Variants in PRKG1 observed in about 807,000 individuals in gnomAD.
PRKG1 encodes the protein cGMP-dependent protein kinase 1.
In PRKG1, 35 loss-of-function variants were observed where a neutral mutation model predicts 88.1. That is an observed-to-expected ratio of 0.40 (90% CI 0.30 to 0.53). PRKG1 has a LOEUF of 0.53. Ranked by LOEUF, PRKG1 falls within the 20% of genes least tolerant of loss-of-function variation. PRKG1 has a pLI of 0.59. For synonymous variants in PRKG1, 303 were observed against 292.5 expected, an observed-to-expected ratio of 1.04 and a Z score of -0.37; for missense variants, 540 against 839.8, an observed-to-expected ratio of 0.64 and a Z score of 4.41.
intron 12 of PRKG1, 126 bp from the exon 13 acceptor site, chr10:52,280,663 C>T: frequency 1.0e-6 from 1 of 977,028 alleles, no homozygotes; most frequent in South Asian, 1.5e-5. Context: ...TAACATTTAG[C>T]TAGCAGGACA....
intron 4 of PRKG1, among the ~76,000 whole-genome samples, chr10:51,825,997 T>C (rs1272065094): frequency 6.6e-6 from 1 of 152,190 alleles, no homozygotes; most frequent in Non-Finnish European, 1.5e-5. Context: ...GTGAACTTGA[T>C]GCCCATTCAT....
At chr10:51,177,925 A>G (rs1837240346) in intron 2 of PRKG1, among the ~76,000 whole-genome samples, 3 of 150,034 alleles carry the variant, frequency 2.0e-5, no homozygotes. Flanking sequence ...GCCCACAACC[A>G]TCAAAAATTT....
intron 7 of PRKG1, among the ~76,000 whole-genome samples, chr10:52,090,057 C>G (rs886508094): frequency 6.6e-6 from 1 of 152,042 alleles, no homozygotes; most frequent in Non-Finnish European, 1.5e-5. Flanking sequence ...TCGTGATCCA[C>G]CTGCCTTGCC....
chr10:51,922,943 C>G (rs557298683), intron 5 of PRKG1, among the ~76,000 whole-genome samples: 1 of 152,032 alleles, frequency 6.6e-6, no homozygotes, highest in East Asian at 1.9e-4. Context: ...TGAACTACAT[C>G]CTTACTAAAA....
chr10:51,374,093 A>AAAAAAAAAAATATATATATATATATATAT, intron 2 of PRKG1, among the ~76,000 whole-genome samples: 1 of 100,192 alleles, frequency 1.0e-5, no homozygotes, highest in South Asian at 4.3e-4. Context: ...AAAAAAAAAA[A>AAAAAAAAAAATATATATATATATATATAT]ATATATATAT....
chr10:52,072,460 G>C (rs1275684004), intron 7 of PRKG1, among the ~76,000 whole-genome samples: 1 of 152,068 alleles, frequency 6.6e-6, no homozygotes, highest in Non-Finnish European at 1.5e-5. Context: ...GGTGCTATAG[G>C]AAAAGCACAG....
chr10:51,503,640 A>C (rs1229357127), intron 3 of PRKG1, among the ~76,000 whole-genome samples: 2 of 152,206 alleles, frequency 1.3e-5, no homozygotes, highest in African/African-American at 4.8e-5. Flanking sequence ...AAAGCAATAC[A>C]TATGCACCTG....
intron 2 of PRKG1, among the ~76,000 whole-genome samples, chr10:51,184,626 T>C (rs1191549819): frequency 1.3e-5 from 2 of 152,316 alleles, no homozygotes; most frequent in Non-Finnish European, 2.9e-5. Context: ...TTTTCTTTTT[T>C]TCATTTTAGG....
intron 3 of PRKG1, among the ~76,000 whole-genome samples, chr10:51,688,383 A>G (rs1841047447): frequency 6.6e-6 from 1 of 152,020 alleles, no homozygotes; most frequent in Non-Finnish European, 1.5e-5. Flanking sequence ...AAGGAGGAGG[A>G]CTGGAATGGT....
At chr10:52,211,786 T>C (rs1336879841) in intron 9 of PRKG1, among the ~76,000 whole-genome samples, 1 of 151,504 alleles carries the variant, frequency 6.6e-6, no homozygotes, top group East Asian at 1.9e-4. Context: ...AAGTGGAAGA[T>C]ATGAATGCAC....
At chr10:51,919,059 C>T (rs17638356) in intron 5 of PRKG1, among the ~76,000 whole-genome samples, 20,079 of 152,060 alleles carry the variant, frequency 0.13, 1,545 homozygotes, top group Admixed American at 0.17. Flanking sequence ...TATCAAACAA[C>T]GTGGTGCAGG....
At chr10:52,002,612 GT>G (rs1380943181) in intron 5 of PRKG1, among the ~76,000 whole-genome samples, 3 of 152,084 alleles carry the variant, frequency 2.0e-5, no homozygotes, top group Non-Finnish European at 4.4e-5. Flanking sequence ...CTATCCCTGA[GT>G]TTTTATATTA....
intron 5 of PRKG1, among the ~76,000 whole-genome samples, chr10:52,021,927 A>G (rs1431844198): frequency 6.6e-6 from 1 of 152,190 alleles, no homozygotes; most frequent in Non-Finnish European, 1.5e-5. Context: ...GTTGTTTCTT[A>G]TATTATCTTC....
rs1312180301 is a variant in PRKG1, at chr10:51,236,983, G to C, written c.478+83653G>C. Among the ~76,000 whole-genome samples the C allele has an allele frequency of 2.0e-5, 3 of 152,204 alleles. No individual in the cohort carries two copies. In the East Asian group the frequency reaches 5.8e-4, roughly 29 times the overall value. On this transcript the variant is annotated intron_variant, in intron 2 of 17. Coordinates refer to ENST00000373980, the MANE Select transcript of PRKG1 (RefSeq NM_006258.4). ...ACAGATGTGGAAGGTTTTGGCTAAG[G>C]TAATCAGACTTCCTGTTTTGCTCAG...
intron 3 of PRKG1, among the ~76,000 whole-genome samples, chr10:51,688,565 C>CTT (rs35034840): frequency 0.014 from 1,770 of 123,666 alleles, 42 homozygotes; most frequent in Middle Eastern, 0.024. Flanking sequence ...AGTAACAATC[C>CTT]TTTTTTTTTT....
intron 9 of PRKG1, among the ~76,000 whole-genome samples, chr10:52,197,152 G>A (rs12242531): frequency 0.049 from 7,417 of 151,952 alleles, 639 homozygotes; most frequent in African/African-American, 0.17. Flanking sequence ...AGATTTTTTT[G>A]TGTATTTCCT....
At chr10:51,798,923 A>G (rs144646447) in intron 3 of PRKG1, among the ~76,000 whole-genome samples, 9 of 152,126 alleles carry the variant, frequency 5.9e-5, no homozygotes, top group African/African-American at 2.2e-4. Flanking sequence ...ATTTTCACTC[A>G]TATGTCTAGG....
rs61849772 is a variant in PRKG1, at chr10:51,400,714, G to A, written c.479-67009G>A. On this transcript the variant is annotated intron_variant, in intron 2 of 17. Coordinates refer to ENST00000373980, the MANE Select transcript of PRKG1 (RefSeq NM_006258.4). ...GGCACAAATGTTTTCCCTTTGTTTG[G>A]TTCTTCTTAGTTTTTTCTGAGTTCA... 5.9e-3 allele frequency among the ~76,000 whole-genome samples: 900 copies of A among 152,252 alleles called. 4 individuals carry two copies. The highest frequency in any genetic ancestry group is 9.4e-3 in the Non-Finnish European group (637 of 68,006).
chr10:51,444,099 T>TC (rs1277451590), intron 2 of PRKG1, among the ~76,000 whole-genome samples: 1 of 148,902 alleles, frequency 6.7e-6, no homozygotes, highest in Admixed American at 6.7e-5. Flanking sequence ...AAAAAGAGAG[T>TC]ACAGGAAAAA....
Sources: allele counts gnomAD v4.1 joint callset (sites outside exome capture counted in the v4.1 genomes callset), GRCh38; gene constraint gnomAD v4.1.1; transcripts MANE v1.5; gene names NCBI Gene and HGNC (gene_info 2026-07-23, HGNC 2026-07-21).